FOXK2: variants seen among roughly 807,000 people sequenced by gnomAD.
The protein encoded by FOXK2 is forkhead box K2.
In FOXK2, 24 loss-of-function variants were observed where a neutral mutation model predicts 53.3. The observed-to-expected ratio is 0.45, with a 90% CI of 0.33 to 0.63. FOXK2 has a LOEUF of 0.63. Ranked by LOEUF, FOXK2 falls within the 30% of genes least tolerant of loss-of-function variation. The probability of loss-of-function intolerance (pLI) is 0.03; values close to 1 mark genes in which losing one functional copy is unlikely to be tolerated. For synonymous variants in FOXK2, 505 were observed against 407.1 expected (o/e 1.24, Z -2.89); for missense variants, 952 against 910.5 (o/e 1.05, Z -0.59).
rs948705256 is a variant in FOXK2, at chr17:82,603,239, A to C, written c.*1740A>C. 3 of 152,254 alleles carry C rather than the reference A, an allele frequency of 2.0e-5. No homozygotes were observed. The highest frequency in any genetic ancestry group is 7.2e-5 in the African/African-American group (3 of 41,472). 9.4% of individuals were successfully genotyped at this position (152,254 alleles called of 1,614,324 possible). On this transcript the variant is annotated 3_prime_UTR_variant, in exon 9 of 9. Transcript: ENST00000335255. ...AAAGCGCAGCGTGTGGATGGATCAG[A>C]GCCCCTCGGTGCAGCTGTCTGCATC...
At chr17:82,569,501 A>G (rs911003001) in intron 3 of FOXK2, among the ~76,000 whole-genome samples, 1 of 152,206 alleles carries the variant, frequency 6.6e-6, no homozygotes, top group Non-Finnish European at 1.5e-5. Context: ...GGCCCATACG[A>G]GCATGTTGGG....
intron 1 of FOXK2, chr17:82,559,413 G>A (rs944091646): frequency 2.2e-5 from 10 of 456,256 alleles, no homozygotes; most frequent in African/African-American, 1.0e-4. Context: ...TGGCATCCAA[G>A]CACCTTGCCC....
chr17:82,570,104 C>T (rs755536482), intron 3 of FOXK2, among the ~76,000 whole-genome samples: 13 of 151,976 alleles, frequency 8.6e-5, no homozygotes, highest in Non-Finnish European at 1.9e-4. Flanking sequence ...CGCCTGTAGT[C>T]CCAGCTACTC....
chr17:82,552,056 C>A (rs1011185364), intron 1 of FOXK2, among the ~76,000 whole-genome samples: 2 of 152,072 alleles, frequency 1.3e-5, no homozygotes, highest in South Asian at 4.1e-4. Context: ...TAAAATTATT[C>A]AAAAAATGAA....
chr17:82,600,370 G>T (rs2045369810), intron 8 of FOXK2: 1 of 152,300 alleles, frequency 6.6e-6, no homozygotes, highest in Non-Finnish European at 1.5e-5. Flanking sequence ...GAACCCCGGG[G>T]AAAGAGTCAG....
At chr17:82,528,217 C>G (rs1357593373) in intron 1 of FOXK2, among the ~76,000 whole-genome samples, 2 of 152,148 alleles carry the variant, frequency 1.3e-5, no homozygotes, top group Admixed American at 1.3e-4. Flanking sequence ...CAGCACAGCT[C>G]TGTGCATGAT....
intron 4 of FOXK2, 195 bp downstream of exon 4, chr17:82,572,065 A>G (rs2044924758): frequency 2.1e-6 from 1 of 478,406 alleles, no homozygotes; most frequent in Non-Finnish European, 3.6e-6. Context: ...AGCAGAAGGA[A>G]GCGTGGTTCT....
chr17:82,588,447 A>G, intron 8 of FOXK2: 1 of 103,066 alleles, frequency 9.7e-6, no homozygotes, highest in Non-Finnish European at 2.1e-5. Context: ...AGGCGGTTGG[A>G]GGGCTGGCGG....
chr17:82,556,850 G>A (rs867071890), intron 1 of FOXK2, among the ~76,000 whole-genome samples: 7 of 151,592 alleles, frequency 4.6e-5, no homozygotes, highest in Middle Eastern at 3.2e-3. Flanking sequence ...TTACAGGCAC[G>A]TGTCACCACA....
chr17:82,525,475 G>T (rs769891007), intron 1 of FOXK2, among the ~76,000 whole-genome samples: 1 of 152,016 alleles, frequency 6.6e-6, no homozygotes, highest in Admixed American at 6.6e-5. Flanking sequence ...TACTGCGCCC[G>T]GTCGAGGACA....
chr17:82,543,950 G>A lies in FOXK2; in HGVS notation c.420-19404G>A, dbSNP rs145884632. 7.9e-4 allele frequency among the ~76,000 whole-genome samples: 120 copies of A among 152,108 alleles called. 1 individual carries two copies. In the East Asian group the frequency reaches 0.02, roughly 25 times the overall value. ...CGCCACCACGCCTGGCTAATTTTTT[G>A]TATTTTTAGTAGAGATGGGGTTTCA... is the stretch of plus-strand genomic sequence containing the variant. On this transcript the variant is annotated intron_variant, in intron 1 of 8. Coordinates refer to ENST00000335255, the MANE Select transcript of FOXK2 (RefSeq NM_004514.4).
At chr17:82,566,626 A>T (rs1412767998) in intron 2 of FOXK2, among the ~76,000 whole-genome samples, 1 of 152,102 alleles carries the variant, frequency 6.6e-6, no homozygotes, top group Non-Finnish European at 1.5e-5. Flanking sequence ...TGAAGACCCC[A>T]CTTCAAGTGT....
intron 1 of FOXK2, among the ~76,000 whole-genome samples, chr17:82,535,100 G>C (rs1468596772): frequency 6.6e-6 from 1 of 152,164 alleles, no homozygotes; most frequent in Non-Finnish European, 1.5e-5. Flanking sequence ...GGCTGGTCTC[G>C]AACTCCTGAC....
intron 1 of FOXK2, among the ~76,000 whole-genome samples, chr17:82,536,503 C>T (rs776368883): frequency 7.9e-5 from 12 of 152,144 alleles, no homozygotes; most frequent in Non-Finnish European, 1.6e-4. Context: ...TATCTTCCTT[C>T]GTTATGTAGT....
chr17:82,527,020 G>T (rs887365500), intron 1 of FOXK2, among the ~76,000 whole-genome samples: 4 of 152,132 alleles, frequency 2.6e-5, no homozygotes, highest in African/African-American at 9.7e-5. Context: ...GTATTGAAGG[G>T]CTGCAAGGTG....
At chr17:82,522,585 A>G (rs565734869) in intron 1 of FOXK2, among the ~76,000 whole-genome samples, 1 of 151,436 alleles carries the variant, frequency 6.6e-6, no homozygotes, top group Admixed American at 6.6e-5. Context: ...GCTAGCCAGG[A>G]TGGTCTCGAT....
In FOXK2 at chr17:82,568,148, GACA is replaced by G; in HGVS notation, c.712_714del (p.Asn238del). 1.2e-6 allele frequency: 2 copies of G among 1,613,788 alleles called. No homozygotes were observed. The highest frequency in any genetic ancestry group is 8.5e-7 in the Non-Finnish European group (1 of 1,180,024). On this transcript the variant is annotated inframe_deletion, in exon 3 of 9. Transcript: ENST00000335255. ...GCCATCTGACCTCAATTTAATGGCTGACAACTCACAGCCTGAAAATGAAAAGGA... is the reference window on the plus strand; with the variant it reads ...GCCATCTGACCTCAATTTAATGGCTGACTCACAGCCTGAAAATGAAAAGGA...
At chr17:82,535,742 G>GTTT (rs1339091058) in intron 1 of FOXK2, among the ~76,000 whole-genome samples, 65 of 123,138 alleles carry the variant, frequency 5.3e-4, no homozygotes, top group Admixed American at 1.2e-3. Flanking sequence ...TTAGTTGTGT[G>GTTT]TTTTTGTTTT....
chr17:82,593,421 T>G (rs1350812692), intron 8 of FOXK2: 1 of 152,296 alleles, frequency 6.6e-6, no homozygotes, highest in East Asian at 1.9e-4. Flanking sequence ...CAGAGGAAGG[T>G]AGATGAAGCC....
Sources: gnomAD v4.1 joint callset for allele counts (sites outside exome capture counted in the v4.1 genomes callset) on GRCh38, gnomAD v4.1.1 for gene constraint, MANE v1.5 for transcripts, NCBI Gene and HGNC (gene_info 2026-07-23, HGNC 2026-07-21) for gene names.